GSE1: variants seen among roughly 807,000 people sequenced by gnomAD.
The protein encoded by GSE1 is genetic suppressor element 1.
In GSE1, 32 loss-of-function variants were observed where a neutral mutation model predicts 112.6. The observed-to-expected ratio is 0.28, with a 90% CI of 0.21 to 0.38. The LOEUF is 0.38. Among genes scored for constraint, GSE1 ranks in the 10% least tolerant of loss-of-function variants. The pLI, the probability that GSE1 is intolerant of heterozygous loss-of-function variation, is 1.00. For synonymous variants in GSE1, 1,115 were observed against 735.6 expected (o/e 1.52, Z -8.35); for missense variants, 2,348 against 1,699.2 (o/e 1.38, Z -6.71).
At chr16:85,198,316 C>G (rs1052033723) in intron 1 of GSE1, among the ~76,000 whole-genome samples, 20 of 152,188 alleles carry the variant, frequency 1.3e-4, no homozygotes, top group African/African-American at 4.6e-4. Context: ...ACGAGGTCAA[C>G]AGGGGATGAG....
At chr16:85,344,940 C>G (rs1464579009) in intron 1 of GSE1, among the ~76,000 whole-genome samples, 3 of 152,264 alleles carry the variant, frequency 2.0e-5, no homozygotes, top group African/African-American at 7.2e-5. Flanking sequence ...CAGCTCTGCT[C>G]TGCCCTCACC....
chr16:85,195,942 T>C (rs2074918290), intron 1 of GSE1, among the ~76,000 whole-genome samples: 1 of 152,066 alleles, frequency 6.6e-6, no homozygotes, highest in Non-Finnish European at 1.5e-5. Flanking sequence ...GAAGTCAGGA[T>C]TTTTCAGAAC....
At chr16:85,633,820 C>T in intron 1 of GSE1, 94 bp from the exon 2 acceptor site, 4 of 932,494 alleles carry the variant, frequency 4.3e-6, no homozygotes, top group Non-Finnish European at 6.7e-6. Context: ...CTGCTCCCTG[C>T]CTGCTGCTGC....
chr16:85,262,875 C>T (rs1439234228), intron 1 of GSE1, among the ~76,000 whole-genome samples: 2 of 152,328 alleles, frequency 1.3e-5, no homozygotes, highest in Non-Finnish European at 1.5e-5. Context: ...CTCCATTCTG[C>T]AATTCAGTGT....
rs995926200 is a variant in GSE1 at position 85,622,816 on chromosome 16, C to T, written c.7+9418C>T. ...AGGGGTTGACCTCTTTCTGTTACAC[C>T]CTCATGGAGTTACCGTGTCGATGAC... On this transcript the variant is annotated intron_variant, in intron 1 of 15. Coordinates refer to ENST00000253458, the MANE Select transcript of GSE1 (RefSeq NM_014615.5). Among the ~76,000 whole-genome samples the T allele has an allele frequency of 4.6e-5, 7 of 152,276 alleles. No individual in the cohort carries two copies. In the South Asian group the frequency reaches 8.3e-4, roughly 18 times the overall value.
chr16:85,189,277 T>C (rs1282420894), intron 1 of GSE1, among the ~76,000 whole-genome samples: 1 of 152,236 alleles, frequency 6.6e-6, no homozygotes, highest in African/African-American at 2.4e-5. Context: ...TTTATTCTAT[T>C]TGACTTCATG....
intron 3 of GSE1, among the ~76,000 whole-genome samples, chr16:85,651,347 C>G (rs934194665): frequency 6.6e-6 from 1 of 151,964 alleles, no homozygotes; most frequent in African/African-American, 2.4e-5. Context: ...GCCAGCCAGA[C>G]GGAAGCCACA....
chr16:85,449,245 C>T (rs2049601010), intron 2 of GSE1, among the ~76,000 whole-genome samples: 2 of 152,342 alleles, frequency 1.3e-5, no homozygotes, highest in South Asian at 4.1e-4. Flanking sequence ...GGCCCCACCG[C>T]GCACCACATC....
In GSE1 at chr16:85,669,387, G is replaced by A. The variant is rs2053143383; in HGVS notation, c.3415+963G>A. On this transcript the variant is annotated intron_variant, in intron 14 of 15. Transcript: ENST00000253458. ...GAATGTCAGCCACTTCAAATACTTA[G>A]AAAAGTAGTTTTTTTCTTTTTTCTC... Among the ~76,000 whole-genome samples the A allele has an allele frequency of 2.6e-5, 4 of 152,094 alleles. No homozygotes were observed. In the South Asian group the frequency reaches 8.3e-4, roughly 32 times the overall value.
chr16:85,341,539 T>C (rs2046624016), intron 1 of GSE1, among the ~76,000 whole-genome samples: 2 of 151,888 alleles, frequency 1.3e-5, no homozygotes, highest in Non-Finnish European at 2.9e-5. Flanking sequence ...GCACCTGTAA[T>C]CCCAGCTACA....
chr16:85,617,062 C>T (rs1402629629), intron 1 of GSE1, among the ~76,000 whole-genome samples: 1 of 152,220 alleles, frequency 6.6e-6, no homozygotes, highest in Non-Finnish European at 1.5e-5. Context: ...TCTCGCCACT[C>T]CTGCGTTTGG....
intron 2 of GSE1, among the ~76,000 whole-genome samples, chr16:85,491,728 T>A (rs550957825): frequency 6.6e-6 from 1 of 151,834 alleles, no homozygotes; most frequent in East Asian, 1.9e-4. Context: ...CGAGTCCTCC[T>A]GGGAGCCTGA....
rs1465684328 is a variant in GSE1, at chr16:85,661,214, T to C, written c.1709T>C (p.Leu570Pro). Reference protein sequence around the residue: ...PPQHFGGPPPLISPKPQLHAA... With the variant: ...PPQHFGGPPPPISPKPQLHAA... ...CAGCACTTTGGGGGGCCACCACCTC[T>C]GATTTCGCCCAAGCCCCAGCTCCAT... The change falls in exon 9 of 16, where the codon CTG becomes CCG. Residue 570 changes from leucine (L) to proline (P), a missense_variant. Transcript: ENST00000253458. The C allele has an allele frequency of 6.2e-7, 1 of 1,608,034 alleles. No homozygotes were observed. Among genetic ancestry groups the C allele is most frequent in the East Asian group, 2.2e-5 (1 of 44,732 alleles).
chr16:85,317,160 G>A (rs374193357), intron 1 of GSE1, among the ~76,000 whole-genome samples: 4 of 152,218 alleles, frequency 2.6e-5, no homozygotes, highest in African/African-American at 7.2e-5. Context: ...TGAAGATCAC[G>A]TGGGGACAAG....
At chr16:85,403,400 G>A (rs1022669897) in intron 2 of GSE1, among the ~76,000 whole-genome samples, 9 of 152,182 alleles carry the variant, frequency 5.9e-5, no homozygotes, top group Non-Finnish European at 1.3e-4. Context: ...GCTCGTCAAA[G>A]CTGCCCCCAA....
At chr16:85,376,749 AGG>A (rs923153830) in intron 2 of GSE1, among the ~76,000 whole-genome samples, 8 of 151,968 alleles carry the variant, frequency 5.3e-5, no homozygotes, top group African/African-American at 1.7e-4. Context: ...AGGGAGTGAG[AGG>A]GGGCTTTGCT....
intron 2 of GSE1, among the ~76,000 whole-genome samples, chr16:85,464,556 G>T (rs2151831413): frequency 6.6e-6 from 1 of 152,338 alleles, no homozygotes; most frequent in African/African-American, 2.4e-5. Context: ...TGGTCATGCG[G>T]TGTCTGGGAG....
intron 3 of GSE1, among the ~76,000 whole-genome samples, chr16:85,653,061 C>T (rs369918263): frequency 6.6e-6 from 1 of 150,844 alleles, no homozygotes. Flanking sequence ...CTGGGCAGTG[C>T]TGTCCCCACA....
At chr16:85,519,487 A>G (rs1419214894) in intron 2 of GSE1, among the ~76,000 whole-genome samples, 1 of 1,734 alleles carries the variant, frequency 5.8e-4, no homozygotes, top group African/African-American at 6.3e-3. Context: ...TACCACCATC[A>G]CTATCATCAT....
Sources: gnomAD v4.1 joint callset for allele counts (sites outside exome capture counted in the v4.1 genomes callset) on GRCh38, gnomAD v4.1.1 for gene constraint, MANE v1.5 for transcripts, NCBI Gene and HGNC (gene_info 2026-07-23, HGNC 2026-07-21) for gene names.